PHF21A: variants seen among roughly 807,000 people sequenced by gnomAD.
The protein encoded by PHF21A is BHC80a.
In PHF21A, 11 loss-of-function variants were observed where a neutral mutation model predicts 82.5. The observed-to-expected ratio is 0.13, with a 90% CI of 0.08 to 0.22. PHF21A has a LOEUF of 0.22. Ranked by LOEUF, PHF21A falls within the 10% of genes least tolerant of loss-of-function variation. The pLI is 1.00. For missense variants in PHF21A, 579 were observed against 837.8 expected (o/e 0.69, Z 3.81); for synonymous variants, 297 against 302.8 (o/e 0.98, Z 0.20).
At chr11:46,071,811 TA>T (rs1956169242) in intron 6 of PHF21A, among the ~76,000 whole-genome samples, 1 of 151,924 alleles carries the variant, frequency 6.6e-6, no homozygotes, top group Non-Finnish European at 1.5e-5. Context: ...ATTATGCTAA[TA>T]TTTAAAGCTG....
intron 11 of PHF21A, 76 bp from the exon 12 acceptor site, chr11:45,950,333 C>T: frequency 1.5e-6 from 2 of 1,309,036 alleles, no homozygotes; most frequent in Non-Finnish European, 2.2e-6. Flanking sequence ...CCTAGTAGGA[C>T]ATTAGGGAAA....
At chr11:45,940,689 T>G (rs1429703154) in intron 15 of PHF21A, among the ~76,000 whole-genome samples, 1 of 152,218 alleles carries the variant, frequency 6.6e-6, no homozygotes, top group Non-Finnish European at 1.5e-5. Flanking sequence ...TCTTTTCCTC[T>G]AGAGGGTCAG....
At chr11:45,946,648 T>A (rs1391607264) in intron 14 of PHF21A, among the ~76,000 whole-genome samples, 1 of 152,206 alleles carries the variant, frequency 6.6e-6, no homozygotes, top group Non-Finnish European at 1.5e-5. Context: ...GTGCTGGGAT[T>A]ACAGGTGTGA....
chr11:45,969,869 T>C lies in PHF21A; in HGVS notation c.648A>G (p.Val216=), dbSNP rs774181412. ...GTCTAGGAGGGGGGATAAACTGTGGTACTTTGATGGGCTGAGGAGGTGTTG... is the reference window on the plus strand; with the variant it reads ...GTCTAGGAGGGGGGATAAACTGTGGCACTTTGATGGGCTGAGGAGGTGTTG... The part of the protein sequence containing the change: ...VQATPPQPIK[V]PQFIPPPRLT... The change falls in exon 9 of 19, where the codon GTA becomes GTG. Residue 216 remains valine (V), a synonymous_variant. Coordinates refer to ENST00000676320, the MANE Select transcript of PHF21A (RefSeq NM_001352027.3). 1 of 1,613,966 alleles carries C rather than the reference T, an allele frequency of 6.2e-7. No individual in the cohort carries two copies. The highest frequency in any genetic ancestry group is 8.5e-7 in the Non-Finnish European group (1 of 1,179,908).
intron 1 of PHF21A, among the ~76,000 whole-genome samples, chr11:46,100,122 CTGA>C (rs768588384): frequency 5.3e-5 from 8 of 152,154 alleles, no homozygotes; most frequent in African/African-American, 1.2e-4. Context: ...CTCAATCACG[CTGA>C]TAAGTAAGTA....
intron 6 of PHF21A, among the ~76,000 whole-genome samples, chr11:46,000,525 T>C (rs1938530031): frequency 1.3e-5 from 2 of 151,850 alleles, no homozygotes; most frequent in Non-Finnish European, 2.9e-5. Context: ...ATAACGTTTT[T>C]CTTTTGAAAA....
Position 45,980,071 on chromosome 11 carries a change from C to T in PHF21A, c.154-105G>A. ...TTTCTATAAATAGCTTCATCTAAAA[C>T]TTATTACATCTAAATTTACACAGGT... On this transcript the variant is annotated intron_variant, in intron 6 of 18. Coordinates refer to ENST00000676320, the MANE Select transcript of PHF21A (RefSeq NM_001352027.3). 4 of 1,492,516 alleles carry T rather than the reference C, an allele frequency of 2.7e-6. No individual in the cohort carries two copies. In the South Asian group the frequency reaches 5.1e-5, roughly 19 times the overall value. 92.5% of individuals were successfully genotyped at this position (1,492,516 alleles called of 1,614,324 possible). A position where few individuals can be genotyped will look rare whatever the true frequency, so the allele number is the denominator to read the frequency against.
chr11:46,093,857 G>A (rs889375262), intron 1 of PHF21A, among the ~76,000 whole-genome samples: 1 of 152,154 alleles, frequency 6.6e-6, no homozygotes, highest in Admixed American at 6.5e-5. Flanking sequence ...TTTGTTAAAT[G>A]AATGACTTTC....
At chr11:46,007,320 T>C (rs1342391438) in intron 6 of PHF21A, among the ~76,000 whole-genome samples, 1 of 145,330 alleles carries the variant, frequency 6.9e-6, no homozygotes, top group Non-Finnish European at 1.5e-5. Context: ...CTTCTTCTTC[T>C]TTTTTTTTTT....
At chr11:46,029,458 C>A (rs546994224) in intron 6 of PHF21A, among the ~76,000 whole-genome samples, 112 of 152,230 alleles carry the variant, frequency 7.4e-4, no homozygotes, top group African/African-American at 2.4e-3. Context: ...GAGGCCAAGG[C>A]GGGCAGATCA....
chr11:46,028,652 C>T (rs1278141237), intron 6 of PHF21A, among the ~76,000 whole-genome samples: 1 of 149,582 alleles, frequency 6.7e-6, no homozygotes, highest in Non-Finnish European at 1.5e-5. Context: ...CGGCTCACTG[C>T]AACCTCCGCC....
At chr11:46,049,283 A>G in intron 6 of PHF21A, 1 of 341,082 alleles carries the variant, frequency 2.9e-6, no homozygotes, top group Non-Finnish European at 5.8e-6. Flanking sequence ...TCAAATCCTG[A>G]TAGTAAGGTA....
chr11:45,954,306 T>C (rs1281751790), intron 10 of PHF21A, among the ~76,000 whole-genome samples: 1 of 152,098 alleles, frequency 6.6e-6, no homozygotes, highest in African/African-American at 2.4e-5. Flanking sequence ...CCACTGTTTT[T>C]ATATTATAGG....
intron 6 of PHF21A, among the ~76,000 whole-genome samples, chr11:46,004,360 G>A (rs2095238999): frequency 6.6e-6 from 1 of 152,098 alleles, no homozygotes; most frequent in Non-Finnish European, 1.5e-5. Context: ...AGATGTCTTG[G>A]ACACTGTAAA....
intron 9 of PHF21A, among the ~76,000 whole-genome samples, chr11:45,969,158 T>C (rs1172495675): frequency 6.6e-6 from 1 of 152,146 alleles, no homozygotes; most frequent in Non-Finnish European, 1.5e-5. Flanking sequence ...GGGCCTCAGA[T>C]AGGAACTCTC....
chr11:46,039,973 C>A (rs2096092979), intron 6 of PHF21A, among the ~76,000 whole-genome samples: 2 of 152,170 alleles, frequency 1.3e-5, no homozygotes, highest in African/African-American at 4.8e-5. Flanking sequence ...TTATTTGATA[C>A]AAACAGCATT....
chr11:46,042,609 G>C (rs1013235610), intron 6 of PHF21A, among the ~76,000 whole-genome samples: 6 of 152,046 alleles, frequency 3.9e-5, no homozygotes, highest in African/African-American at 1.4e-4. Context: ...TGCTAGATCT[G>C]AATGTTTGTG....
intron 1 of PHF21A, among the ~76,000 whole-genome samples, chr11:46,112,011 T>C (rs528817810): frequency 3.3e-5 from 5 of 152,308 alleles, no homozygotes; most frequent in Non-Finnish European, 7.4e-5. Context: ...ATTCTAACAG[T>C]GCAAACATTG....
At chr11:46,092,475 A>G (rs1036720960) in intron 1 of PHF21A, among the ~76,000 whole-genome samples, 1 of 152,166 alleles carries the variant, frequency 6.6e-6, no homozygotes, top group Non-Finnish European at 1.5e-5. Flanking sequence ...AGTAGTTGAT[A>G]ATTTTCCTTT....
Sources: allele counts gnomAD v4.1 joint callset (sites outside exome capture counted in the v4.1 genomes callset), GRCh38; gene constraint gnomAD v4.1.1; transcripts MANE v1.5; gene names NCBI Gene and HGNC (gene_info 2026-07-23, HGNC 2026-07-21).